Variants in MEIKIN observed in about 807,000 individuals in gnomAD.
MEIKIN encodes meiosis-specific kinetochore protein.
At chr5:131,913,563 A>C (rs1464413003) in intron 7 of MEIKIN, among the ~76,000 whole-genome samples, 2 of 152,222 alleles carry the variant, frequency 1.3e-5, no homozygotes, top group Non-Finnish European at 2.9e-5. Context: ...TATAGCTCTT[A>C]TCAAAGAAAC....
intron 11 of MEIKIN, among the ~76,000 whole-genome samples, chr5:131,842,354 G>C (rs1356206780): frequency 1.3e-5 from 2 of 152,146 alleles, no homozygotes; most frequent in East Asian, 3.9e-4. Context: ...AATAGAAGTA[G>C]CAAGAATGGG....
chr5:131,916,405 C>G (rs190522694), intron 7 of MEIKIN, among the ~76,000 whole-genome samples: 1 of 152,354 alleles, frequency 6.6e-6, no homozygotes, highest in East Asian at 1.9e-4. Context: ...AAGGAGACAA[C>G]TATGCCTTCA....
At chr5:131,937,559 C>T (rs997446139) in intron 4 of MEIKIN, among the ~76,000 whole-genome samples, 1 of 151,988 alleles carries the variant, frequency 6.6e-6, no homozygotes, top group African/African-American at 2.4e-5. Flanking sequence ...CCGAGAAAGG[C>T]TCGTTATATG....
chr5:131,812,424 T>C (rs1039729578), intron 12 of MEIKIN, among the ~76,000 whole-genome samples: 1 of 152,194 alleles, frequency 6.6e-6, no homozygotes, highest in African/African-American at 2.4e-5. Context: ...GGTATATTCC[T>C]ACAATGAAAT....
At chr5:131,944,340 G>T (rs1751924146) in intron 3 of MEIKIN, 1 of 185,884 alleles carries the variant, frequency 5.4e-6, no homozygotes. Context: ...GTTTCCAGTT[G>T]TTAATGGAAA....
intron 4 of MEIKIN, among the ~76,000 whole-genome samples, chr5:131,939,601 G>C (rs1049688560): frequency 6.6e-6 from 1 of 151,860 alleles, no homozygotes; most frequent in Non-Finnish European, 1.5e-5. Context: ...ATTTTTCAAC[G>C]TGTTATAAAG....
At chr5:131,847,337 A>C (rs1561731272) in intron 11 of MEIKIN, among the ~76,000 whole-genome samples, 2 of 152,146 alleles carry the variant, frequency 1.3e-5, no homozygotes, top group Non-Finnish European at 2.9e-5. Flanking sequence ...TAAATAAATT[A>C]AAAGTGAAAC....
chr5:131,891,528 G>A (rs185286631), intron 8 of MEIKIN, among the ~76,000 whole-genome samples: 3 of 152,164 alleles, frequency 2.0e-5, no homozygotes, highest in South Asian at 2.1e-4. Flanking sequence ...TATCAGAGAC[G>A]AGGATTGCAA....
chr5:131,845,100 C>T (rs1749989041), intron 11 of MEIKIN, among the ~76,000 whole-genome samples: 1 of 151,748 alleles, frequency 6.6e-6, no homozygotes, highest in African/African-American at 2.4e-5. Flanking sequence ...GAAACCTCAT[C>T]TCTATTAAAA....
chr5:131,926,398 GGT>G (rs2149649778), intron 5 of MEIKIN, among the ~76,000 whole-genome samples: 1 of 152,210 alleles, frequency 6.6e-6, no homozygotes, highest in South Asian at 2.1e-4. Flanking sequence ...ACCTGGTCAT[GGT>G]GTATGATCCT....
At chr5:131,829,139 A>C (rs1749667960) in intron 11 of MEIKIN, among the ~76,000 whole-genome samples, 1 of 152,220 alleles carries the variant, frequency 6.6e-6, no homozygotes, top group African/African-American at 2.4e-5. Flanking sequence ...GCAGAAATCA[A>C]CATGGCTTCT....
intron 8 of MEIKIN, among the ~76,000 whole-genome samples, chr5:131,903,594 T>C (rs975466842): frequency 6.6e-6 from 1 of 151,782 alleles, no homozygotes; most frequent in African/African-American, 2.4e-5. Context: ...TTCAGACAAA[T>C]TTGTTAGCAC....
chr5:131,915,862 T>C (rs944362605), intron 7 of MEIKIN, among the ~76,000 whole-genome samples: 2 of 152,192 alleles, frequency 1.3e-5, no homozygotes, highest in South Asian at 4.1e-4. Context: ...GGTTTTATTT[T>C]TCAAAGAGAG....
chr5:131,862,570 A>T (rs1045300970), intron 9 of MEIKIN, among the ~76,000 whole-genome samples: 1 of 152,190 alleles, frequency 6.6e-6, no homozygotes, highest in Non-Finnish European at 1.5e-5. Context: ...CTTACATAAC[A>T]TTAAATTTAC....
At chr5:131,869,569 A>AAAAAAC (rs1260202333) in intron 9 of MEIKIN, among the ~76,000 whole-genome samples, 4 of 152,192 alleles carry the variant, frequency 2.6e-5, no homozygotes, top group Admixed American at 6.5e-5. Context: ...GCCTTGTTAC[A>AAAAAAC]AAAAACAAAA....
intron 12 of MEIKIN, among the ~76,000 whole-genome samples, chr5:131,811,320 G>C (rs190472510): frequency 3.3e-5 from 5 of 151,080 alleles, no homozygotes; most frequent in African/African-American, 1.2e-4. Flanking sequence ...AGTGTTGCTA[G>C]TGTTATTTGT....
intron 4 of MEIKIN, among the ~76,000 whole-genome samples, chr5:131,935,248 T>C (rs550583459): frequency 1.7e-3 from 161 of 95,046 alleles, no homozygotes; most frequent in African/African-American, 6.8e-3. Context: ...CTGAGCAACA[T>C]AGTGGAACCC....
chr5:131,881,109 A>T (rs1359311066), intron 8 of MEIKIN, among the ~76,000 whole-genome samples: 1 of 152,208 alleles, frequency 6.6e-6, no homozygotes, highest in African/African-American at 2.4e-5. Flanking sequence ...AGATTTGGAA[A>T]TAGATTAGAT....
At chr5:131,861,311 C>T (rs1228488181) in intron 9 of MEIKIN, among the ~76,000 whole-genome samples, 2 of 152,010 alleles carry the variant, frequency 1.3e-5, no homozygotes, top group South Asian at 2.1e-4. Flanking sequence ...ACTGCTTAAA[C>T]CCGGGAGGTG....
Sources: gnomAD v4.1 joint callset for allele counts (sites outside exome capture counted in the v4.1 genomes callset) on GRCh38, gnomAD v4.1.1 for gene constraint, MANE v1.5 for transcripts, NCBI Gene and HGNC (gene_info 2026-07-23, HGNC 2026-07-21) for gene names.